SNX29: variants seen among roughly 807,000 people sequenced by gnomAD.
The protein encoded by SNX29 is sorting nexin 29.
SNX29 carries 78 observed loss-of-function variants against 102.1 expected under a neutral mutation model. That is an observed-to-expected ratio of 0.76 (90% confidence interval 0.64 to 0.92). The LOEUF (loss-of-function observed/expected upper bound fraction) is 0.92. Ranked by LOEUF, SNX29 falls within the 40% of genes least tolerant of loss-of-function variation. The pLI, the probability that SNX29 is intolerant of heterozygous loss-of-function variation, is 0.00. For missense variants in SNX29, 1,280 were observed against 1,061.7 expected, an observed-to-expected ratio of 1.21 and a Z score of -2.86; for synonymous variants, 580 against 414.5, an observed-to-expected ratio of 1.40 and a Z score of -4.85.
intron 14 of SNX29, among the ~76,000 whole-genome samples, chr16:12,240,009 C>T (rs2078053826): frequency 6.6e-6 from 1 of 152,162 alleles, no homozygotes; most frequent in Non-Finnish European, 1.5e-5. Context: ...ACATTTAGAT[C>T]ATTCTAGGTA....
At chr16:12,462,146 C>T (rs893302920) in intron 18 of SNX29, among the ~76,000 whole-genome samples, 15 of 151,118 alleles carry the variant, frequency 9.9e-5, no homozygotes, top group Admixed American at 3.3e-4. Flanking sequence ...GTGCTGGGCT[C>T]GATCTCTTGC....
Position 12,571,984 on chromosome 16 carries a change from A to T in SNX29, c.*3355A>T. On this transcript the variant is annotated 3_prime_UTR_variant, in exon 21 of 21. Coordinates refer to ENST00000566228, the MANE Select transcript of SNX29 (RefSeq NM_032167.5). ...AGTCTATGGTGGTAGCCATCTTCAC[A>T]TCCAGTCACCAGTTGCATCTAGGGA... is the stretch of plus-strand genomic sequence containing the variant. 1 of 1,062,048 alleles carries T rather than the reference A, an allele frequency of 9.4e-7. No individual in the cohort carries two copies. Among genetic ancestry groups the T allele is most frequent in the East Asian group, 5.1e-5 (1 of 19,690 alleles). 65.8% of individuals were successfully genotyped at this position (1,062,048 alleles called of 1,614,324 possible).
At chr16:12,556,526 C>G (rs993221972) in intron 20 of SNX29, 1 of 152,310 alleles carries the variant, frequency 6.6e-6, no homozygotes, top group African/African-American at 2.4e-5. Flanking sequence ...GAGGAAGTGA[C>G]GATGGGATTA....
intron 15 of SNX29, among the ~76,000 whole-genome samples, chr16:12,293,654 T>C (rs1337558796): frequency 6.6e-6 from 1 of 152,230 alleles, no homozygotes; most frequent in African/African-American, 2.4e-5. Context: ...CGTGCTTTCA[T>C]CCAATAGCTT....
At chr16:12,312,882 A>G (rs987472938) in intron 15 of SNX29, among the ~76,000 whole-genome samples, 2 of 152,128 alleles carry the variant, frequency 1.3e-5, no homozygotes, top group Admixed American at 1.3e-4. Flanking sequence ...TCATCCTGAG[A>G]CTGCTTTAAA....
chr16:12,452,708 C>T (rs1184863756), intron 18 of SNX29, among the ~76,000 whole-genome samples: 1 of 152,010 alleles, frequency 6.6e-6, no homozygotes, highest in Non-Finnish European at 1.5e-5. Flanking sequence ...ACTGCCAGAC[C>T]CCTCCAAATG....
At chr16:12,026,987 G>T (rs1156337602) in intron 3 of SNX29, among the ~76,000 whole-genome samples, 1 of 152,164 alleles carries the variant, frequency 6.6e-6, no homozygotes, top group Non-Finnish European at 1.5e-5. Flanking sequence ...TCCCCACACT[G>T]AACTGATTGG....
At chr16:12,086,982 A>G (rs1195138650) in intron 11 of SNX29, 1 of 152,102 alleles carries the variant, frequency 6.6e-6, no homozygotes, top group Non-Finnish European at 1.5e-5. Context: ...TTTGGCTGCG[A>G]TATTTCAGCT....
chr16:12,029,627 T>A (rs1409163998), intron 4 of SNX29: 2 of 453,098 alleles, frequency 4.4e-6, no homozygotes, highest in Non-Finnish European at 8.8e-6. Context: ...AGCCTCACTC[T>A]GTTGCCCAGT....
Position 12,278,374 on chromosome 16 carries a change from A to T in SNX29, c.1782+338A>T, listed in dbSNP as rs149557476. 3.8e-3 allele frequency among the ~76,000 whole-genome samples: 579 copies of T among 152,336 alleles called. 5 individuals carry two copies. Among genetic ancestry groups the T allele is most frequent in the African/African-American group, 0.013 (552 of 41,576 alleles). ...CCTTTGTGCTGTTAAATGTGAAAAT[A>T]TGGATGAGGTGAACTATTTTTCAGA... On this transcript the variant is annotated intron_variant, in intron 15 of 20. Coordinates refer to ENST00000566228, the MANE Select transcript of SNX29 (RefSeq NM_032167.5).
chr16:12,481,451 T>TAC (rs1241729125), intron 19 of SNX29, among the ~76,000 whole-genome samples: 1 of 103,254 alleles, frequency 9.7e-6, no homozygotes, highest in Non-Finnish European at 1.9e-5. Flanking sequence ...CACACACATA[T>TAC]ATACATATAT....
intron 19 of SNX29, among the ~76,000 whole-genome samples, chr16:12,498,286 A>G (rs2088931477): frequency 1.3e-5 from 2 of 152,234 alleles, no homozygotes; most frequent in South Asian, 4.1e-4. Context: ...GCACGTTAGC[A>G]GGTGAGGCAA....
At chr16:12,004,336 ATC>A (rs2056386087) in intron 3 of SNX29, among the ~76,000 whole-genome samples, 1 of 151,160 alleles carries the variant, frequency 6.6e-6, no homozygotes. Context: ...GCAAGATTCC[ATC>A]TCAAAAAAAA....
intron 13 of SNX29, among the ~76,000 whole-genome samples, chr16:12,142,362 A>G (rs2054896679): frequency 6.6e-6 from 1 of 151,388 alleles, no homozygotes; most frequent in Non-Finnish European, 1.5e-5. Context: ...CATGCTTGTC[A>G]GCAGCTGGCT....
intron 20 of SNX29, among the ~76,000 whole-genome samples, chr16:12,554,314 C>T (rs1235338961): frequency 6.6e-6 from 1 of 152,202 alleles, no homozygotes; most frequent in African/African-American, 2.4e-5. Context: ...TCAGTTTTAA[C>T]TAAAATGGGA....
chr16:12,177,940 T>G (rs1205718152), intron 13 of SNX29, among the ~76,000 whole-genome samples: 1 of 152,210 alleles, frequency 6.6e-6, no homozygotes, highest in Non-Finnish European at 1.5e-5. Flanking sequence ...TTTTTTGGCA[T>G]CTGTTTTTTG....
intron 4 of SNX29, among the ~76,000 whole-genome samples, chr16:12,031,600 A>T (rs2057347041): frequency 6.6e-6 from 1 of 151,718 alleles, no homozygotes; most frequent in African/African-American, 2.4e-5. Context: ...AGGTCAGGAA[A>T]TCGAGACCAT....
chr16:12,568,645 A>G lies in SNX29; in HGVS notation c.*16A>G, dbSNP rs766699523. 1.9e-6 allele frequency: 3 copies of G among 1,600,598 alleles called. No homozygotes were observed. The highest frequency in any genetic ancestry group is 1.3e-5 in the African/African-American group (1 of 75,020). ...TGACCTCTGACCTCGACAAAACCGC[A>G]GCCACGGGCCCTGTGCGTGGCACCA... On this transcript the variant is annotated 3_prime_UTR_variant, in exon 21 of 21. Transcript: ENST00000566228.
In SNX29 at chr16:12,237,506, C is replaced by G. The variant is rs552931370; in HGVS notation, c.1678+37823C>G. On this transcript the variant is annotated intron_variant, in intron 14 of 20. Coordinates refer to ENST00000566228, the MANE Select transcript of SNX29 (RefSeq NM_032167.5). ...TGGGGCCTGGCCGGGTGCAGTGGCTCACGCCTGTAATCCCAGCACTTTGGG... is the reference window on the plus strand; with the variant it reads ...TGGGGCCTGGCCGGGTGCAGTGGCTGACGCCTGTAATCCCAGCACTTTGGG... Among the ~76,000 whole-genome samples, 3 of 152,358 alleles carry G rather than the reference C, an allele frequency of 2.0e-5. No individual in the cohort carries two copies. The East Asian group carries it at 5.8e-4, about 29-fold the overall frequency.
Sources: allele counts gnomAD v4.1 joint callset (sites outside exome capture counted in the v4.1 genomes callset), GRCh38; gene constraint gnomAD v4.1.1; transcripts MANE v1.5; gene names NCBI Gene and HGNC (gene_info 2026-07-23, HGNC 2026-07-21).